Variants in FBXL17 observed in about 807,000 individuals in gnomAD.
FBXL17 encodes the protein F-box and leucine rich repeat protein 17, also known as F-box/LRR-repeat protein 17.
In FBXL17, 22 loss-of-function variants were observed where a neutral mutation model predicts 66.2. The ratio of observed to expected loss-of-function variants is 0.33; its 90% CI spans 0.24 to 0.47. The LOEUF (loss-of-function observed/expected upper bound fraction) is 0.47, where lower values mean the gene tolerates loss of function less well. Ranked by LOEUF, FBXL17 falls within the 20% of genes least tolerant of loss-of-function variation. The pLI, the probability that FBXL17 is intolerant of heterozygous loss-of-function variation, is 1.00. For missense variants in FBXL17, 878 were observed against 948.2 expected (o/e 0.93, Z 0.97); for synonymous variants, 474 against 400.5 (o/e 1.18, Z -2.19).
intron 7 of FBXL17, among the ~76,000 whole-genome samples, chr5:107,916,068 G>C (rs1328734250): frequency 6.6e-6 from 1 of 152,142 alleles, no homozygotes; most frequent in East Asian, 1.9e-4. Flanking sequence ...TAACCTGGTT[G>C]CTTAAAGATC....
At chr5:108,067,914 C>T (rs775804585) in intron 6 of FBXL17, among the ~76,000 whole-genome samples, 2 of 152,186 alleles carry the variant, frequency 1.3e-5, no homozygotes, top group African/African-American at 4.8e-5. Flanking sequence ...TTCTGAAATA[C>T]ATTTTATCAT....
intron 4 of FBXL17, among the ~76,000 whole-genome samples, chr5:108,340,099 C>A: frequency 6.7e-6 from 1 of 150,288 alleles, no homozygotes. Context: ...GAATATAATC[C>A]ACTTATGTTC....
At chr5:108,234,629 T>C (rs1370769238) in intron 4 of FBXL17, among the ~76,000 whole-genome samples, 3 of 152,192 alleles carry the variant, frequency 2.0e-5, no homozygotes, top group African/African-American at 7.2e-5. Flanking sequence ...TAGGGAATTT[T>C]CTGAGAGAAG....
intron 5 of FBXL17, among the ~76,000 whole-genome samples, chr5:108,190,822 GCTTT>G (rs1226659098): frequency 2.0e-5 from 3 of 152,012 alleles, no homozygotes; most frequent in Non-Finnish European, 4.4e-5. Context: ...TTTACAGCTA[GCTTT>G]CTTTATAGGG....
intron 4 of FBXL17, among the ~76,000 whole-genome samples, chr5:108,247,272 G>C (rs1210293861): frequency 6.6e-6 from 1 of 152,098 alleles, no homozygotes; most frequent in Admixed American, 6.6e-5. Flanking sequence ...GATACAAAAG[G>C]AGAGCCTTTC....
intron 6 of FBXL17, among the ~76,000 whole-genome samples, chr5:108,111,723 AC>A (rs1275468366): frequency 1.3e-5 from 2 of 152,220 alleles, no homozygotes; most frequent in Admixed American, 1.3e-4. Context: ...CAACTAGGCT[AC>A]GGGACCACAC....
At chr5:108,240,792 C>G (rs757156292) in intron 4 of FBXL17, among the ~76,000 whole-genome samples, 9 of 152,212 alleles carry the variant, frequency 5.9e-5, no homozygotes, top group Non-Finnish European at 1.0e-4. Flanking sequence ...TCACCCAGCA[C>G]AGTCCCAATG....
chr5:108,337,237 C>T (rs1384929564), intron 4 of FBXL17, among the ~76,000 whole-genome samples: 1 of 143,062 alleles, frequency 7.0e-6, no homozygotes, highest in African/African-American at 2.6e-5. Context: ...GCCTGGGTGA[C>T]AGAGTGAGAC....
At chr5:108,327,480 A>AT (rs1759912602) in intron 4 of FBXL17, among the ~76,000 whole-genome samples, 1 of 152,200 alleles carries the variant, frequency 6.6e-6, no homozygotes, top group Admixed American at 6.5e-5. Context: ...TAGTAAGATG[A>AT]TTTAACTGCA....
chr5:108,299,098 G>A lies in FBXL17; in HGVS notation c.1506+49301C>T, dbSNP rs529895224. ...ATGTTTACTGCTATTTTAAAAAACAGTCTGATTTATAACAGCTTTTTAAAT... is the reference window on the plus strand; with the variant it reads ...ATGTTTACTGCTATTTTAAAAAACAATCTGATTTATAACAGCTTTTTAAAT... On this transcript the variant is annotated intron_variant, in intron 4 of 8. Transcript: ENST00000542267. 2.2e-4 allele frequency: 213 copies of A among 976,482 alleles called. No homozygotes were observed. The African/African-American group carries it at 3.5e-3, about 16-fold the overall frequency. The allele number at this position is 976,482 out of a possible 1,614,324, so 60.5% of individuals were successfully genotyped here.
chr5:108,369,479 A>G (rs1251133051), intron 1 of FBXL17, among the ~76,000 whole-genome samples: 1 of 152,180 alleles, frequency 6.6e-6, no homozygotes, highest in African/African-American at 2.4e-5. Context: ...ATCTCTTCAA[A>G]TATTTTACAG....
chr5:108,043,542 C>T (rs939088880), intron 6 of FBXL17, among the ~76,000 whole-genome samples: 2 of 152,146 alleles, frequency 1.3e-5, no homozygotes, highest in African/African-American at 2.4e-5. Context: ...AGCATATTTA[C>T]GTGAGTCCTT....
chr5:108,275,443 C>A (rs886991234), intron 4 of FBXL17, among the ~76,000 whole-genome samples: 3 of 152,180 alleles, frequency 2.0e-5, no homozygotes, highest in East Asian at 3.9e-4. Context: ...CTATGACTTA[C>A]CCTGAATATG....
At chr5:107,906,060 C>CTT (rs201479673) in intron 7 of FBXL17, among the ~76,000 whole-genome samples, 1 of 142,188 alleles carries the variant, frequency 7.0e-6, no homozygotes, top group South Asian at 2.3e-4. Flanking sequence ...TAGAGTGAAG[C>CTT]TTTTTTTTTT....
intron 7 of FBXL17, among the ~76,000 whole-genome samples, chr5:107,963,395 T>C (rs1751994348): frequency 1.3e-5 from 2 of 152,080 alleles, no homozygotes; most frequent in Admixed American, 6.6e-5. Context: ...ATAAGTCCTA[T>C]AAAATAAATG....
intron 7 of FBXL17, among the ~76,000 whole-genome samples, chr5:107,971,749 G>T (rs1229394379): frequency 1.3e-5 from 2 of 152,138 alleles, no homozygotes; most frequent in Non-Finnish European, 2.9e-5. Context: ...TAGCCTGTTA[G>T]GTAGGAACAA....
At chr5:108,157,063 A>T (rs1000730470) in intron 6 of FBXL17, among the ~76,000 whole-genome samples, 1 of 151,798 alleles carries the variant, frequency 6.6e-6, no homozygotes, top group Non-Finnish European at 1.5e-5. Context: ...ACAATGAAAC[A>T]AAACACAAGA....
intron 7 of FBXL17, among the ~76,000 whole-genome samples, chr5:107,948,461 T>C (rs1751387385): frequency 1.3e-5 from 2 of 152,192 alleles, no homozygotes; most frequent in African/African-American, 2.4e-5. Flanking sequence ...TCGAACCATG[T>C]ACTTCTCTGC....
chr5:108,316,263 G>A (rs1458399186), intron 4 of FBXL17, among the ~76,000 whole-genome samples: 1 of 151,246 alleles, frequency 6.6e-6, no homozygotes, highest in Non-Finnish European at 1.5e-5. Context: ...TACTTTGCTA[G>A]ACAAATATAT....
Sources: allele counts gnomAD v4.1 joint callset (sites outside exome capture counted in the v4.1 genomes callset), GRCh38; gene constraint gnomAD v4.1.1; transcripts MANE v1.5; gene names NCBI Gene and HGNC (gene_info 2026-07-23, HGNC 2026-07-21).